The following RBFOX1 variants were observed in gnomAD, a reference collection of about 807,000 sequenced individuals.
The protein encoded by RBFOX1 is RNA binding protein fox-1 homolog 1.
A neutral mutation model predicts 57.7 loss-of-function variants in RBFOX1; 8 were observed. That is an observed-to-expected ratio of 0.14 (90% CI 0.08 to 0.25). The LOEUF (loss-of-function observed/expected upper bound fraction) is 0.25, where lower values mean the gene tolerates loss of function less well. RBFOX1 is among the 10% of genes least tolerant of loss of function. The pLI is 1.00. For missense variants in RBFOX1, 611 were observed against 548.5 expected, an observed-to-expected ratio of 1.11 and a Z score of -1.14; for synonymous variants, 326 against 222.4, an observed-to-expected ratio of 1.47 and a Z score of -4.15.
At chr16:5,834,231 A>G (rs1020670546) in intron 3 of RBFOX1, among the ~76,000 whole-genome samples, 5 of 152,186 alleles carry the variant, frequency 3.3e-5, no homozygotes, top group Non-Finnish European at 7.3e-5. Flanking sequence ...TGAATAGTGT[A>G]TATTGTACCC....
At chr16:5,553,655 T>G (rs1243629871) in intron 2 of RBFOX1, among the ~76,000 whole-genome samples, 1 of 133,242 alleles carries the variant, frequency 7.5e-6, no homozygotes, top group African/African-American at 3.0e-5. Flanking sequence ...GCTAAAACCA[T>G]CAGATAGAAT....
intron 4 of RBFOX1, among the ~76,000 whole-genome samples, chr16:7,272,329 C>T (rs917499444): frequency 9.2e-5 from 14 of 152,134 alleles, no homozygotes; most frequent in East Asian, 7.8e-4. Context: ...GGATTACAGG[C>T]GCCCACCACT....
intron 14 of RBFOX1, among the ~76,000 whole-genome samples, chr16:7,686,474 C>T (rs1299955305): frequency 6.6e-6 from 1 of 152,074 alleles, no homozygotes; most frequent in African/African-American, 2.4e-5. Context: ...TAAACCCAGC[C>T]TTCGAACTAT....
chr16:6,403,769 C>T (rs2093171656), intron 2 of RBFOX1, among the ~76,000 whole-genome samples: 1 of 152,124 alleles, frequency 6.6e-6, no homozygotes, highest in Non-Finnish European at 1.5e-5. Context: ...TGCATTGACT[C>T]AAGTGTGTCC....
At chr16:7,316,747 G>A (rs1420125531) in intron 4 of RBFOX1, among the ~76,000 whole-genome samples, 1 of 152,192 alleles carries the variant, frequency 6.6e-6, no homozygotes, top group East Asian at 1.9e-4. Context: ...GGTAGGCAAG[G>A]AGGTGGGGTC....
At chr16:7,148,720 T>A (rs1332355270) in intron 4 of RBFOX1, among the ~76,000 whole-genome samples, 5 of 152,222 alleles carry the variant, frequency 3.3e-5, no homozygotes, top group Admixed American at 1.3e-4. Flanking sequence ...GATCTCAAAA[T>A]GAGGCAATCG....
chr16:7,378,965 C>G (rs1290218515), intron 4 of RBFOX1, among the ~76,000 whole-genome samples: 1 of 152,218 alleles, frequency 6.6e-6, no homozygotes, highest in Non-Finnish European at 1.5e-5. Flanking sequence ...AATCCCACCA[C>G]TGACATTTAG....
intron 3 of RBFOX1, among the ~76,000 whole-genome samples, chr16:6,930,044 C>G (rs781745893): frequency 6.6e-6 from 1 of 152,114 alleles, no homozygotes; most frequent in African/African-American, 2.4e-5. Context: ...TTGCTTATCC[C>G]CTCTCTCCCA....
At chr16:6,085,264 CTTTG>C (rs1314010798) in intron 1 of RBFOX1, among the ~76,000 whole-genome samples, 1 of 152,104 alleles carries the variant, frequency 6.6e-6, no homozygotes. Flanking sequence ...ACCCAGCTTT[CTTTG>C]TTTGTGTTTT....
chr16:5,598,988 A>G, exon 3 of RBFOX1: 2 of 1,507,952 alleles, frequency 1.3e-6, no homozygotes, highest in Admixed American at 2.0e-5. Context: ...TGCTGAACAG[A>G]TTAGATTTTG....
chr16:5,779,957 A>AT (rs1270004416), intron 3 of RBFOX1, among the ~76,000 whole-genome samples: 3 of 152,230 alleles, frequency 2.0e-5, no homozygotes, highest in African/African-American at 7.2e-5. Flanking sequence ...GAGCTAAAAT[A>AT]TGTACTAGTT....
chr16:6,557,429 A>G (rs1013132983), intron 2 of RBFOX1, among the ~76,000 whole-genome samples: 2 of 152,176 alleles, frequency 1.3e-5, no homozygotes, highest in African/African-American at 2.4e-5. Context: ...GTACGATTTC[A>G]CAATAACAGC....
chr16:7,094,775 T>TGTGTGTGTGTGTGTGG (rs879519332), intron 4 of RBFOX1, among the ~76,000 whole-genome samples: 1 of 139,694 alleles, frequency 7.2e-6, no homozygotes, highest in Non-Finnish European at 1.6e-5. Context: ...TGTGTGTGTG[T>TGTGTGTGTGTGTGTGG]GGGTGTGTGT....
intron 4 of RBFOX1, among the ~76,000 whole-genome samples, chr16:7,446,654 A>G (rs947651687): frequency 6.6e-6 from 1 of 152,062 alleles, no homozygotes; most frequent in East Asian, 1.9e-4. Flanking sequence ...TTCTCTTTAC[A>G]CCAGCAGCCT....
At chr16:6,129,822 C>T (rs2096617352) in intron 1 of RBFOX1, among the ~76,000 whole-genome samples, 1 of 148,980 alleles carries the variant, frequency 6.7e-6, no homozygotes, top group Non-Finnish European at 1.5e-5. Flanking sequence ...ATGAATGGTA[C>T]AAACAGTAAC....
chr16:6,712,925 G>A (rs3889705), intron 3 of RBFOX1, among the ~76,000 whole-genome samples: 2,087 of 69,624 alleles, frequency 0.03, 65 homozygotes, highest in African/African-American at 0.069. Flanking sequence ...CTGTTCTCAT[G>A]ATAGTGAATA....
intron 4 of RBFOX1, among the ~76,000 whole-genome samples, chr16:7,213,660 T>G (rs563276173): frequency 2.6e-5 from 4 of 152,148 alleles, no homozygotes; most frequent in African/African-American, 9.7e-5. Context: ...AGCTATCTCA[T>G]TTAATAATCC....
intron 2 of RBFOX1, among the ~76,000 whole-genome samples, chr16:6,603,265 C>A (rs970142432): frequency 6.6e-6 from 1 of 152,084 alleles, no homozygotes; most frequent in African/African-American, 2.4e-5. Flanking sequence ...GAGACTGACC[C>A]CGGGGAAAGG....
intron 3 of RBFOX1, among the ~76,000 whole-genome samples, chr16:6,756,673 T>G (rs969008718): frequency 6.6e-5 from 10 of 152,068 alleles, no homozygotes; most frequent in African/African-American, 2.2e-4. Context: ...TAAACATTTC[T>G]TAAAAGAAGA....
Sources: gnomAD v4.1 joint callset for allele counts (sites outside exome capture counted in the v4.1 genomes callset) on GRCh38, gnomAD v4.1.1 for gene constraint, MANE v1.5 for transcripts, NCBI Gene and HGNC (gene_info 2026-07-23, HGNC 2026-07-21) for gene names.